MBTPS1: variants seen among roughly 807,000 people sequenced by gnomAD.
MBTPS1 encodes the protein membrane-bound transcription factor site-1 protease.
In MBTPS1, 94 loss-of-function variants were observed where a neutral mutation model predicts 127.8. The observed-to-expected ratio is 0.74, with a 90% confidence interval of 0.62 to 0.87. MBTPS1 has a LOEUF of 0.87. Ranked by LOEUF, MBTPS1 falls within the 40% of genes least tolerant of loss-of-function variation. The pLI, the probability that MBTPS1 is intolerant of heterozygous loss-of-function variation, is 0.00. For missense variants in MBTPS1, 1,636 were observed against 1,353.2 expected, an observed-to-expected ratio of 1.21 and a Z score of -3.28; for synonymous variants, 632 against 509.4, an observed-to-expected ratio of 1.24 and a Z score of -3.24.
chr16:84,105,116 A>G (rs966446594), intron 1 of MBTPS1, among the ~76,000 whole-genome samples: 1 of 151,856 alleles, frequency 6.6e-6, no homozygotes, highest in Admixed American at 6.6e-5. Context: ...AAAAAAAAAT[A>G]AATAAATGAA....
chr16:84,079,246 C>A lies in MBTPS1; in HGVS notation c.1448+2501G>T, dbSNP rs150523428. On this transcript the variant is annotated intron_variant, in intron 11 of 22. Transcript: ENST00000343411. Reference sequence around the variant, plus strand: ...GGTGCTATGCTTCCTGTACAGCCTGCAGAACCAGGAGCCAACTGAACCTCT... The same window carrying A: ...GGTGCTATGCTTCCTGTACAGCCTGAAGAACCAGGAGCCAACTGAACCTCT... 9.6e-3 allele frequency among the ~76,000 whole-genome samples: 1,457 copies of A among 152,342 alleles called. 10 individuals carry two copies. The highest frequency in any genetic ancestry group is 0.013 in the Non-Finnish European group (879 of 68,020).
intron 19 of MBTPS1, among the ~76,000 whole-genome samples, chr16:84,063,068 A>T (rs953713180): frequency 6.6e-6 from 1 of 152,256 alleles, no homozygotes; most frequent in African/African-American, 2.4e-5. Context: ...GTGAAGATGG[A>T]GAAGAGGCAT....
intron 8 of MBTPS1, among the ~76,000 whole-genome samples, chr16:84,087,960 G>C (rs192681466): frequency 3.3e-5 from 5 of 152,120 alleles, no homozygotes; most frequent in Non-Finnish European, 7.3e-5. Context: ...GTAAGTTTTC[G>C]ATTGACCTGT....
chr16:84,069,718 G>A, intron 14 of MBTPS1, 148 bp downstream of exon 14: 1 of 721,000 alleles, frequency 1.4e-6, no homozygotes, highest in Non-Finnish European at 2.3e-6. Context: ...TGCCCTAAGT[G>A]CATGGCAAAA....
intron 3 of MBTPS1, 68 bp from the exon 4 acceptor site, chr16:84,095,873 A>C (rs2086172853): frequency 8.1e-7 from 1 of 1,236,108 alleles, no homozygotes; most frequent in Admixed American, 1.7e-5. Flanking sequence ...CGCCAGGCAA[A>C]ACTATCCTAA....
At chr16:84,070,119 A>G (rs2085749209) in intron 13 of MBTPS1, 81 bp from the exon 14 acceptor site, 6 of 1,195,906 alleles carry the variant, frequency 5.0e-6, no homozygotes, top group African/African-American at 1.5e-5. Context: ...ATTTCTATTT[A>G]TCAACTTAAC....
At chr16:84,093,570 T>G (rs970189577) in intron 5 of MBTPS1, 141 bp downstream of exon 5, 11 of 693,116 alleles carry the variant, frequency 1.6e-5, no homozygotes, top group Non-Finnish European at 2.8e-5. Flanking sequence ...TATGAGGTAT[T>G]CAGAGCAGTT....
At chr16:84,114,540 C>T (rs1361889769) in intron 1 of MBTPS1, among the ~76,000 whole-genome samples, 1 of 151,874 alleles carries the variant, frequency 6.6e-6, no homozygotes, top group African/African-American at 2.4e-5. Flanking sequence ...CTTTAAAATG[C>T]CTTTCCTCAG....
At chr16:84,074,811 A>G (rs751723711) in intron 11 of MBTPS1, 70 bp from the exon 12 acceptor site, 28 of 1,412,396 alleles carry the variant, frequency 2.0e-5, no homozygotes, top group African/African-American at 2.9e-5. Context: ...CAACTGTACA[A>G]GACAGAGTTA....
In MBTPS1 at chr16:84,067,734, C is replaced by T. The variant is rs1303665984; in HGVS notation, c.2161G>A (p.Val721Ile). The T allele has an allele frequency of 1.4e-5, 23 of 1,613,916 alleles. No homozygotes were observed. Among genetic ancestry groups the T allele is most frequent in the Non-Finnish European group, 1.9e-5 (22 of 1,179,886 alleles). Residue 721 changes from valine (V) to isoleucine (I), a missense_variant, in exon 16 of 23, where the codon GTC (valine) becomes ATC (isoleucine). Coordinates refer to ENST00000343411, the MANE Select transcript of MBTPS1 (RefSeq NM_003791.4). ...GTGTTGTACCAGTCACTGAAGATGA[C>T]GAGCGAGAGGCCGTTGTCCACGTCC... ...RRDVDNGLSL[V>I]IFSDWYNTSV... is the part of the protein sequence containing the mutation.
chr16:84,101,545 C>A, intron 2 of MBTPS1, 76 bp downstream of exon 2: 5 of 1,246,456 alleles, frequency 4.0e-6, no homozygotes, highest in Non-Finnish European at 3.4e-6. Context: ...TGTTATTCAG[C>A]AATAGCTAAT....
At chr16:84,084,847 G>T in intron 10 of MBTPS1, 136 bp downstream of exon 10, 2 of 799,546 alleles carry the variant, frequency 2.5e-6, no homozygotes, top group Non-Finnish European at 3.9e-6. Context: ...AAGAAGGAGA[G>T]ACAGAGCAAG....
At chr16:84,070,211 C>G (rs1056837711) in intron 13 of MBTPS1, among the ~76,000 whole-genome samples, 173 bp from the exon 14 acceptor site, 1 of 152,202 alleles carries the variant, frequency 6.6e-6, no homozygotes, top group East Asian at 1.9e-4. Flanking sequence ...CATTCAAACA[C>G]TTAAAGAGTT....
rs2086254262 is a variant in MBTPS1, at chr16:84,101,482, C to T, written c.163+139G>A. On this transcript the variant is annotated intron_variant, in intron 2 of 22. Transcript: ENST00000343411. ...CTCCAGCCTGGGTGACAGAGTGAGA[C>T]TCTGTCTCAAAAAAAAAAAAAAGAA... 4.1e-6 allele frequency: 3 copies of T among 734,542 alleles called. No homozygotes were observed. The Admixed American group carries it at 9.6e-5, about 24-fold the overall frequency. The allele number at this position is 734,542 out of a possible 1,614,324, so 45.5% of individuals were successfully genotyped here. A position where few individuals can be genotyped will look rare whatever the true frequency, so the allele number is the denominator to read the frequency against.
At chr16:84,090,310 A>G (rs1284055191) in intron 8 of MBTPS1, among the ~76,000 whole-genome samples, 2 of 151,890 alleles carry the variant, frequency 1.3e-5, no homozygotes, top group Non-Finnish European at 2.9e-5. Flanking sequence ...ACGCTGCTTA[A>G]GTTTAGCACA....
intron 11 of MBTPS1, among the ~76,000 whole-genome samples, chr16:84,079,218 G>A (rs186340215): frequency 1.3e-5 from 2 of 152,336 alleles, no homozygotes; most frequent in African/African-American, 4.8e-5. Flanking sequence ...AGAAGCAGGT[G>A]CTGGTGCTAT....
chr16:84,062,699 A>C (rs1182557041), intron 19 of MBTPS1, among the ~76,000 whole-genome samples: 1 of 152,202 alleles, frequency 6.6e-6, no homozygotes, highest in Non-Finnish European at 1.5e-5. Flanking sequence ...AATGAGAAAA[A>C]TAGTCTGTGC....
chr16:84,114,387 G>A (rs572532868), intron 1 of MBTPS1, among the ~76,000 whole-genome samples: 6 of 152,288 alleles, frequency 3.9e-5, no homozygotes, highest in East Asian at 1.9e-4. Context: ...ACAGTCAAGA[G>A]TGAGAAACCT....
At chr16:84,082,601 G>C (rs1392702786) in intron 10 of MBTPS1, among the ~76,000 whole-genome samples, 7 of 152,148 alleles carry the variant, frequency 4.6e-5, no homozygotes, top group African/African-American at 1.7e-4. Flanking sequence ...ATAAATACAA[G>C]TGAATTTTAA....
Sources: allele counts gnomAD v4.1 joint callset (sites outside exome capture counted in the v4.1 genomes callset), GRCh38; gene constraint gnomAD v4.1.1; transcripts MANE v1.5; gene names NCBI Gene and HGNC (gene_info 2026-07-23, HGNC 2026-07-21).